MACROD2: variants seen among roughly 807,000 people sequenced by gnomAD.
MACROD2 encodes the protein ADP-ribose glycohydrolase MACROD2.
In MACROD2, 36 loss-of-function variants were observed where a neutral mutation model predicts 70.4. That is an observed-to-expected ratio of 0.51 (90% confidence interval 0.39 to 0.68). MACROD2 has a LOEUF of 0.68. MACROD2 is among the 30% of genes least tolerant of loss of function. The probability of loss-of-function intolerance (pLI) is 0.00; values close to 1 mark genes in which losing one functional copy is unlikely to be tolerated. For synonymous variants in MACROD2, 172 were observed against 178.8 expected (o/e 0.96, Z 0.30); for missense variants, 496 against 538.4 (o/e 0.92, Z 0.78).
intron 8 of MACROD2, among the ~76,000 whole-genome samples, chr20:15,525,712 T>C (rs187412434): frequency 5.9e-5 from 9 of 152,380 alleles, no homozygotes; most frequent in Non-Finnish European, 1.0e-4. Context: ...ACTTTGTGTG[T>C]TTCTGAGGTC....
intron 3 of MACROD2, among the ~76,000 whole-genome samples, chr20:14,368,713 A>C (rs2083296132): frequency 6.6e-6 from 1 of 152,126 alleles, no homozygotes; most frequent in Admixed American, 6.5e-5. Context: ...ATTGTTTTTC[A>C]TGTGTGTTCT....
At chr20:14,075,414 C>T (rs145440789) in intron 2 of MACROD2, among the ~76,000 whole-genome samples, 193 of 152,262 alleles carry the variant, frequency 1.3e-3, no homozygotes, top group African/African-American at 4.1e-3. Flanking sequence ...CAGGCATCCA[C>T]GAAGGGTCTT....
Position 15,985,145 on chromosome 20 carries a change from T to C in MACROD2, c.986-1582T>C, listed in dbSNP as rs564694781. 2.8e-4 allele frequency among the ~76,000 whole-genome samples: 43 copies of C among 152,300 alleles called. No individual in the cohort carries two copies. In the South Asian group the frequency reaches 3.9e-3, roughly 14 times the overall value. ...ACACCGTAATCTCCTTTAAATTCTT[T>C]CTTGAAATTTTTTAACATAGTTCCT... On this transcript the variant is annotated intron_variant, in intron 13 of 17. Transcript: ENST00000684519.
intron 8 of MACROD2, among the ~76,000 whole-genome samples, chr20:15,860,162 C>T (rs899930952): frequency 3.3e-5 from 5 of 152,042 alleles, no homozygotes; most frequent in Admixed American, 6.6e-5. Context: ...CAAAAAAGTA[C>T]ACTTAGCAGA....
chr20:15,815,247 G>C (rs930426659), intron 8 of MACROD2, among the ~76,000 whole-genome samples: 1 of 152,064 alleles, frequency 6.6e-6, no homozygotes, highest in Non-Finnish European at 1.5e-5. Flanking sequence ...GTGAGAGCTC[G>C]CCTGAGTTAG....
At chr20:15,230,566 A>G (rs2076951597) in intron 6 of MACROD2, among the ~76,000 whole-genome samples, 1 of 152,094 alleles carries the variant, frequency 6.6e-6, no homozygotes, top group Non-Finnish European at 1.5e-5. Flanking sequence ...TTTTAACCTG[A>G]ATGTTGTTAT....
At chr20:14,036,802 C>T (rs2053317380) in intron 2 of MACROD2, among the ~76,000 whole-genome samples, 1 of 152,134 alleles carries the variant, frequency 6.6e-6, no homozygotes, top group Admixed American at 6.5e-5. Flanking sequence ...TAGCTGGGAC[C>T]ACTGGTGTGC....
intron 8 of MACROD2, among the ~76,000 whole-genome samples, chr20:15,724,444 T>G (rs948992354): frequency 6.0e-5 from 9 of 150,640 alleles, no homozygotes; most frequent in South Asian, 2.1e-4. Flanking sequence ...AGTAAATTTT[T>G]GGGGAAGGTG....
At chr20:15,914,038 A>G (rs147228656) in intron 10 of MACROD2, among the ~76,000 whole-genome samples, 1 of 152,222 alleles carries the variant, frequency 6.6e-6, no homozygotes, top group South Asian at 2.1e-4. Flanking sequence ...CATTGTTTAA[A>G]GAGTTCTTTA....
intron 5 of MACROD2, among the ~76,000 whole-genome samples, chr20:14,977,526 A>T (rs573096713): frequency 6.6e-6 from 1 of 151,622 alleles, no homozygotes; most frequent in East Asian, 1.9e-4. Context: ...TGACCTGAAG[A>T]TTATCCTGGA....
chr20:14,780,159 G>A (rs1001170944), intron 5 of MACROD2, among the ~76,000 whole-genome samples: 6 of 152,082 alleles, frequency 3.9e-5, no homozygotes, highest in Admixed American at 1.3e-4. Context: ...CCGGGAATTC[G>A]AGTCCAGTTT....
chr20:15,495,138 A>G (rs2032549654), intron 7 of MACROD2, among the ~76,000 whole-genome samples: 1 of 152,206 alleles, frequency 6.6e-6, no homozygotes, highest in Admixed American at 6.5e-5. Flanking sequence ...TTTTGTGAAC[A>G]AAAGTCCCCT....
At chr20:14,667,571 T>C (rs1039061574) in intron 4 of MACROD2, among the ~76,000 whole-genome samples, 6 of 152,168 alleles carry the variant, frequency 3.9e-5, no homozygotes, top group African/African-American at 1.4e-4. Flanking sequence ...CTGTGTTAAA[T>C]ATAGGGCTCC....
intron 5 of MACROD2, among the ~76,000 whole-genome samples, chr20:14,793,944 C>A (rs551871976): frequency 6.6e-6 from 1 of 152,168 alleles, no homozygotes; most frequent in African/African-American, 2.4e-5. Flanking sequence ...TCTTCTCCTG[C>A]CTGCCAGTTT....
chr20:14,864,574 C>G (rs764259679), intron 5 of MACROD2, among the ~76,000 whole-genome samples: 2 of 151,992 alleles, frequency 1.3e-5, no homozygotes, highest in Non-Finnish European at 2.9e-5. Flanking sequence ...TAATACTGTG[C>G]GAACAAATTT....
Position 14,724,321 on chromosome 20 carries a change from C to T in MACROD2, c.418+39362C>T, listed in dbSNP as rs552496140. 3.9e-5 allele frequency among the ~76,000 whole-genome samples: 6 copies of T among 152,162 alleles called. No individual in the cohort carries two copies. In the South Asian group the frequency reaches 6.2e-4, roughly 16 times the overall value. On this transcript the variant is annotated intron_variant, in intron 5 of 17. Coordinates refer to ENST00000684519, the MANE Select transcript of MACROD2 (RefSeq NM_001351661.2). Reference sequence around the variant, plus strand: ...AAATTTCATAACTACCTTAAAGCTCCGTTTCATCACCTTTAAAATGGGGAT... The same window carrying T: ...AAATTTCATAACTACCTTAAAGCTCTGTTTCATCACCTTTAAAATGGGGAT...
At chr20:14,927,436 A>G (rs1280650730) in intron 5 of MACROD2, among the ~76,000 whole-genome samples, 1 of 152,164 alleles carries the variant, frequency 6.6e-6, no homozygotes, top group Non-Finnish European at 1.5e-5. Context: ...GTCACTTACG[A>G]CATTAAAGTC....
chr20:14,063,528 G>A (rs897717357), intron 2 of MACROD2, among the ~76,000 whole-genome samples: 1 of 152,068 alleles, frequency 6.6e-6, no homozygotes, highest in Non-Finnish European at 1.5e-5. Context: ...ACTTTTTGAG[G>A]GGTGATGTGA....
chr20:14,450,817 A>C (rs8122234), intron 3 of MACROD2, among the ~76,000 whole-genome samples: 66,291 of 151,894 alleles, frequency 0.44, 15,287 homozygotes, highest in Non-Finnish European at 0.51. Flanking sequence ...GAAGGTGGGG[A>C]CGAATTCCGA....
Sources: gnomAD v4.1 joint callset for allele counts (sites outside exome capture counted in the v4.1 genomes callset) on GRCh38, gnomAD v4.1.1 for gene constraint, MANE v1.5 for transcripts, NCBI Gene and HGNC (gene_info 2026-07-23, HGNC 2026-07-21) for gene names.